PDE8B: variants seen among roughly 807,000 people sequenced by gnomAD.
PDE8B encodes phosphodiesterase 8B, also known as high affinity cAMP-specific and IBMX-insensitive 3',5'-cyclic phosphodiesterase 8B.
Under a neutral mutation model 101.3 loss-of-function variants are expected in PDE8B, and 26 were observed. The ratio of observed to expected loss-of-function variants is 0.26; its 90% CI spans 0.19 to 0.36. PDE8B has a LOEUF of 0.36. Among genes scored for constraint, PDE8B ranks in the 10% least tolerant of loss-of-function variants. The pLI, the probability that PDE8B is intolerant of heterozygous loss-of-function variation, is 1.00. For missense variants in PDE8B, 810 were observed against 1,163.1 expected (o/e 0.70, Z 4.42); for synonymous variants, 424 against 429.3 (o/e 0.99, Z 0.15).
At chr5:77,425,076 C>A (rs1797728884) in intron 20 of PDE8B, among the ~76,000 whole-genome samples, 1 of 152,160 alleles carries the variant, frequency 6.6e-6, no homozygotes, top group Non-Finnish European at 1.5e-5. Flanking sequence ...TTCATTGAGT[C>A]ATGCTAAGGT....
the PDE8B span, among the ~76,000 whole-genome samples, chr5:77,116,220 ATATATTTTTT>A: frequency 1.3e-5 from 1 of 75,904 alleles, no homozygotes; most frequent in Non-Finnish European, 2.3e-5. Flanking sequence ...ATATATATAT[ATATATTTTTT>A]TTTTTTTTTT....
chr5:77,339,310 C>T (rs1778764638), intron 6 of PDE8B, among the ~76,000 whole-genome samples: 1 of 152,192 alleles, frequency 6.6e-6, no homozygotes, highest in African/African-American at 2.4e-5. Flanking sequence ...GGATAATGGA[C>T]TTGACCCACG....
intron 10 of PDE8B, among the ~76,000 whole-genome samples, chr5:77,378,813 G>A (rs894179661): frequency 8.5e-5 from 13 of 152,218 alleles, no homozygotes; most frequent in African/African-American, 2.7e-4. Flanking sequence ...TGGGGATGGG[G>A]CCTATCAGTT....
chr5:77,160,726 C>T, the PDE8B span, among the ~76,000 whole-genome samples: 3 of 152,124 alleles, frequency 2.0e-5, no homozygotes, highest in African/African-American at 7.2e-5. Flanking sequence ...TTATGGCTCA[C>T]TGCAGCCTCA....
intron 10 of PDE8B, among the ~76,000 whole-genome samples, chr5:77,356,381 A>G (rs963661632): frequency 6.6e-6 from 1 of 152,196 alleles, no homozygotes; most frequent in Admixed American, 6.5e-5. Context: ...TGCATAGGGA[A>G]AAAAGGAGGC....
the PDE8B span, among the ~76,000 whole-genome samples, chr5:77,138,108 T>G: frequency 6.6e-6 from 1 of 152,196 alleles, no homozygotes; most frequent in Admixed American, 6.5e-5. Context: ...TTTTTAAAAC[T>G]ATTTATCTGA....
At chr5:77,318,055 C>CAAAAAAA (rs55952764) in intron 2 of PDE8B, among the ~76,000 whole-genome samples, 21 of 57,158 alleles carry the variant, frequency 3.7e-4, no homozygotes, top group African/African-American at 9.2e-4. Flanking sequence ...GACTCCATCT[C>CAAAAAAA]AAAAAAAAAA....
intron 17 of PDE8B, among the ~76,000 whole-genome samples, chr5:77,414,011 A>ACT (rs1209265141): frequency 1.3e-5 from 2 of 152,186 alleles, no homozygotes; most frequent in African/African-American, 4.8e-5. Flanking sequence ...TACAACTAGA[A>ACT]CTAAAACTTA....
intron 2 of PDE8B, among the ~76,000 whole-genome samples, chr5:77,323,719 G>A (rs1452103056): frequency 6.6e-6 from 1 of 152,200 alleles, no homozygotes; most frequent in Non-Finnish European, 1.5e-5. Flanking sequence ...AGCACTTTGG[G>A]AGGCCGAGGT....
chr5:77,313,315 A>G (rs924272112), intron 2 of PDE8B, among the ~76,000 whole-genome samples: 2 of 152,144 alleles, frequency 1.3e-5, no homozygotes, highest in African/African-American at 4.8e-5. Flanking sequence ...AAAGGAAGAG[A>G]TTAGCTTGGG....
At chr5:77,156,937 C>T in the PDE8B span, among the ~76,000 whole-genome samples, 1 of 152,100 alleles carries the variant, frequency 6.6e-6, no homozygotes, top group African/African-American at 2.4e-5. Flanking sequence ...GTAGCTCTCC[C>T]CTTTCTCTGC....
At chr5:77,350,989 A>G (rs1206616363) in intron 8 of PDE8B, 76 bp from the exon 9 acceptor site, 2 of 1,019,018 alleles carry the variant, frequency 2.0e-6, no homozygotes, top group East Asian at 2.4e-5. Context: ...GTTCCTTCTC[A>G]GCCTTCTGAG....
the PDE8B span, among the ~76,000 whole-genome samples, chr5:77,149,007 A>G: frequency 6.6e-6 from 1 of 152,186 alleles, no homozygotes; most frequent in East Asian, 1.9e-4. Flanking sequence ...ACTCTTCTAT[A>G]TAGGCCTGTG....
intron 1 of PDE8B, among the ~76,000 whole-genome samples, chr5:77,282,041 C>G (rs1236676445): frequency 6.6e-6 from 1 of 152,088 alleles, no homozygotes; most frequent in Non-Finnish European, 1.5e-5. Flanking sequence ...TCACGTCAAC[C>G]CAAGAGGTAC....
intron 1 of PDE8B, among the ~76,000 whole-genome samples, chr5:77,257,112 A>G (rs1314349638): frequency 6.6e-6 from 1 of 152,198 alleles, no homozygotes; most frequent in Non-Finnish European, 1.5e-5. Context: ...CATTTCAGAA[A>G]TACTTAGTAC....
At position 77,211,303 on chromosome 5, in the gene PDE8B, C is replaced by G; in HGVS notation, c.339+39C>G. The G allele has an allele frequency of 6.6e-7, 1 of 1,515,000 alleles. No homozygotes were observed. The highest frequency in any genetic ancestry group is 8.8e-7 in the Non-Finnish European group (1 of 1,137,348). The allele number at this position is 1,515,000 out of a possible 1,614,324, so 93.8% of individuals were successfully genotyped here. A position where few individuals can be genotyped will look rare whatever the true frequency, so the allele number is the denominator to read the frequency against. ...GCTGGCACACGCCGTGGGGGCCGTC[C>G]GCCCCGTCGGCGGGGCTCGCACGGG... On this transcript the variant is annotated intron_variant, in intron 1 of 21. Coordinates refer to ENST00000264917, the MANE Select transcript of PDE8B (RefSeq NM_003719.5). This position sits in a 1 kb window ranked among gnomAD's most constrained non-coding sequence, Gnocchi z 4.1.
intron 1 of PDE8B, 57 bp from the exon 2 acceptor site, chr5:77,311,937 T>C: frequency 2.3e-6 from 3 of 1,301,066 alleles, no homozygotes; most frequent in Non-Finnish European, 3.4e-6. Context: ...TAAGGAAGGA[T>C]GTATCCATTT....
intron 10 of PDE8B, among the ~76,000 whole-genome samples, chr5:77,369,661 A>T (rs187466663): frequency 6.6e-6 from 1 of 152,240 alleles, no homozygotes; most frequent in East Asian, 1.9e-4. Flanking sequence ...TATTCAGCAG[A>T]TGAAGAAACT....
At chr5:77,286,698 A>G (rs1277023069) in intron 1 of PDE8B, among the ~76,000 whole-genome samples, 1 of 152,204 alleles carries the variant, frequency 6.6e-6, no homozygotes, top group African/African-American at 2.4e-5. Context: ...AAATATAATT[A>G]GTCATGTATT....
Sources: allele counts gnomAD v4.1 joint callset (sites outside exome capture counted in the v4.1 genomes callset), GRCh38; gene constraint gnomAD v4.1.1; non-coding constraint Gnocchi (gnomAD v3.1); transcripts MANE v1.5; gene names NCBI Gene and HGNC (gene_info 2026-07-23, HGNC 2026-07-21).